Variants in FGD3 observed in about 807,000 individuals in gnomAD.
FGD3 encodes the protein FYVE, RhoGEF and PH domain-containing protein 3.
In FGD3, 45 loss-of-function variants were observed where a neutral mutation model predicts 71.8. The ratio of observed to expected loss-of-function variants is 0.63; its 90% CI spans 0.49 to 0.80. The LOEUF (loss-of-function observed/expected upper bound fraction) is 0.80. FGD3 is among the 30% of genes least tolerant of loss of function. FGD3 has a pLI of 0.00. For missense variants in FGD3, 844 were observed against 951.5 expected, an observed-to-expected ratio of 0.89 and a Z score of 1.49; for synonymous variants, 378 against 392.8, an observed-to-expected ratio of 0.96 and a Z score of 0.44.
chr9:93,015,676 G>A, intron 9 of FGD3, 61 bp from the exon 10 acceptor site: 1 of 1,353,020 alleles, frequency 7.4e-7, no homozygotes, highest in Non-Finnish European at 1.1e-6. Flanking sequence ...GAAGCTCACT[G>A]GGGCCCCTGG....
chr9:92,956,164 CTTT>C (rs1859047132), intron 1 of FGD3, among the ~76,000 whole-genome samples: 1 of 152,116 alleles, frequency 6.6e-6, no homozygotes, highest in African/African-American at 2.4e-5. Flanking sequence ...TTGGCATTTT[CTTT>C]GTAGACAGTC....
chr9:93,017,524 C>T (rs1481352477), intron 10 of FGD3, among the ~76,000 whole-genome samples: 1 of 151,712 alleles, frequency 6.6e-6, no homozygotes. Context: ...ATGGAACAGG[C>T]GTGAGCTACT....
intron 3 of FGD3, among the ~76,000 whole-genome samples, chr9:93,000,509 G>T (rs577605376): frequency 5.3e-4 from 81 of 152,014 alleles, no homozygotes; most frequent in Non-Finnish European, 9.9e-4. Flanking sequence ...TGTTTAACTG[G>T]AAAAGTGTTT....
chr9:92,989,554 A>G (rs114804514), intron 3 of FGD3, among the ~76,000 whole-genome samples: 3,084 of 152,356 alleles, frequency 0.02, 121 homozygotes, highest in African/African-American at 0.07. Flanking sequence ...TCATAGAAAA[A>G]CAGTCTGTGG....
intron 3 of FGD3, among the ~76,000 whole-genome samples, chr9:92,986,759 A>T (rs1860201060): frequency 6.6e-6 from 1 of 152,264 alleles, no homozygotes; most frequent in South Asian, 2.1e-4. Flanking sequence ...GCATAACAGG[A>T]ATGAAAAGCA....
chr9:93,022,214 G>A, intron 13 of FGD3, 113 bp from the exon 14 acceptor site: 6 of 1,033,964 alleles, frequency 5.8e-6, no homozygotes, highest in South Asian at 1.7e-5. Flanking sequence ...TCCTGCTCCC[G>A]AGCCTGCCCT....
At chr9:93,019,048 C>T (rs528302077) in intron 11 of FGD3, among the ~76,000 whole-genome samples, 1 of 152,202 alleles carries the variant, frequency 6.6e-6, no homozygotes, top group African/African-American at 2.4e-5. Context: ...GGGGTTTCAC[C>T]ATGTTGCCCA....
intron 6 of FGD3, among the ~76,000 whole-genome samples, chr9:93,008,574 C>T (rs893735440): frequency 3.3e-5 from 5 of 152,136 alleles, no homozygotes; most frequent in Admixed American, 6.5e-5. Context: ...GCGTCCTGCC[C>T]GGTGACGCAG....
rs564481606 is a variant in FGD3 at position 92,990,622 on chromosome 9, A to C, written c.454-12303A>C. Among the ~76,000 whole-genome samples the C allele has an allele frequency of 3.9e-5, 6 of 152,332 alleles. No individual in the cohort carries two copies. The South Asian group carries it at 1.0e-3, about 26-fold the overall frequency. On this transcript the variant is annotated intron_variant, in intron 3 of 17. Transcript: ENST00000375482. ...TATACCTAGTTTGTTGAGGGCGTTT[A>C]TAATAAAGGGATGCTGAATTTTATC... is the stretch of plus-strand genomic sequence containing the variant.
intron 1 of FGD3, among the ~76,000 whole-genome samples, chr9:92,963,302 TATTA>T (rs1044356601): frequency 5.3e-5 from 8 of 152,244 alleles, no homozygotes; most frequent in African/African-American, 1.9e-4. Flanking sequence ...TTTATTTATT[TATTA>T]TTTTATTTTT....
chr9:93,035,312 G>A (rs774885377), intron 17 of FGD3, 26 bp from the exon 18 acceptor site: 46 of 1,598,120 alleles, frequency 2.9e-5, no homozygotes, highest in Admixed American at 3.4e-5. Context: ...CTGTGGCCCC[G>A]CTGACCATCT....
rs374980002 is a variant in FGD3 at position 93,013,932 on chromosome 9, C to T, written c.1116C>T (p.Ile372=). ...EDIVNPANEL[I]KEGQIQKLSA... is the part of the protein sequence containing the mutation. ...TTGTCAACCCGGCCAATGAACTGAT[C>T]AAGGAGGGCCAAATCCAGAAACTGT... Residue 372 remains isoleucine (I), a synonymous_variant, in exon 9 of 18, where the codon ATC becomes ATT. Coordinates refer to ENST00000375482, the MANE Select transcript of FGD3 (RefSeq NM_001083536.2). 2 of 1,612,378 alleles carry T rather than the reference C, an allele frequency of 1.2e-6. No homozygotes were observed. The highest frequency in any genetic ancestry group is 1.1e-5 in the South Asian group (1 of 90,586).
intron 3 of FGD3, among the ~76,000 whole-genome samples, chr9:92,992,438 A>G (rs183743259): frequency 2.0e-5 from 3 of 152,252 alleles, no homozygotes; most frequent in Admixed American, 2.0e-4. Flanking sequence ...ATTCCCTTAG[A>G]TTTTGCTTGT....
intron 3 of FGD3, among the ~76,000 whole-genome samples, chr9:92,988,449 T>TGG (rs1564151912): frequency 8.6e-5 from 13 of 151,410 alleles, no homozygotes; most frequent in South Asian, 2.1e-4. Flanking sequence ...ATCTGCCTCC[T>TGG]GCATCTATCA....
chr9:93,023,245 A>G (rs1861993979), intron 14 of FGD3, among the ~76,000 whole-genome samples: 1 of 152,130 alleles, frequency 6.6e-6, no homozygotes, highest in Admixed American at 6.5e-5. Context: ...GGGTCTTTCC[A>G]GGTGGGCTGG....
intron 9 of FGD3, among the ~76,000 whole-genome samples, chr9:93,014,772 G>A (rs1208620563): frequency 6.6e-6 from 1 of 152,114 alleles, no homozygotes; most frequent in Non-Finnish European, 1.5e-5. Context: ...CTCCTGAGTA[G>A]CTGGGATTAC....
intron 3 of FGD3, among the ~76,000 whole-genome samples, chr9:93,001,598 G>T (rs1860861660): frequency 6.6e-6 from 1 of 152,176 alleles, no homozygotes; most frequent in East Asian, 1.9e-4. Context: ...ATGGGTCCTG[G>T]CACTAGGAAT....
intron 15 of FGD3, among the ~76,000 whole-genome samples, chr9:93,030,290 G>T (rs1423290665): frequency 6.6e-6 from 1 of 152,240 alleles, no homozygotes; most frequent in East Asian, 1.9e-4. Flanking sequence ...TGAGAACAAG[G>T]AGATGATAGT....
intron 1 of FGD3, among the ~76,000 whole-genome samples, chr9:92,952,279 C>T (rs573203974): frequency 4.6e-5 from 7 of 150,546 alleles, no homozygotes; most frequent in Admixed American, 2.6e-4. Flanking sequence ...CTCTGTCGCC[C>T]GGGCTGGAGT....
Sources: allele counts gnomAD v4.1 joint callset (sites outside exome capture counted in the v4.1 genomes callset), GRCh38; gene constraint gnomAD v4.1.1; transcripts MANE v1.5; gene names NCBI Gene and HGNC (gene_info 2026-07-23, HGNC 2026-07-21).